Variants in CACNA2D2 observed in about 807,000 individuals in gnomAD.
The protein encoded by CACNA2D2 is voltage-dependent calcium channel subunit alpha-2/delta-2.
Under a neutral mutation model 166.4 loss-of-function variants are expected in CACNA2D2, and 48 were observed. That is an observed-to-expected ratio of 0.29 (90% CI 0.23 to 0.37). CACNA2D2 has a LOEUF of 0.37. CACNA2D2 is among the 10% of genes least tolerant of loss of function. The pLI is 1.00. For synonymous variants in CACNA2D2, 561 were observed against 573.7 expected (o/e 0.98, Z 0.32); for missense variants, 1,122 against 1,433.0 (o/e 0.78, Z 3.50).
At chr3:50,457,182 G>A (rs1161407199) in intron 2 of CACNA2D2, among the ~76,000 whole-genome samples, 1 of 152,142 alleles carries the variant, frequency 6.6e-6, no homozygotes, top group Non-Finnish European at 1.5e-5. Flanking sequence ...CTCGGGAGGC[G>A]GAGGTTGCAG....
rs781285598 is a variant in CACNA2D2 at position 50,367,655 on chromosome 3, C to T, written c.2284G>A (p.Val762Ile). The change falls in exon 26 of 38, where the codon GTC (valine) becomes ATC (isoleucine). Residue 762 changes from valine to isoleucine, a missense_variant. Val to Ile is a conservative substitution (Grantham distance 29, BLOSUM62 3). Coordinates refer to ENST00000424201, the MANE Select transcript of CACNA2D2 (RefSeq NM_006030.4). The surrounding 1 kb of genome is among the most constrained non-coding windows in gnomAD (Gnocchi z 6.5). ...TAGGTCACTTACTTGTTGGGGAAGA[C>T]TCGGGTGATGCCACCGTCTGTGGCA... ...FAATDGGITR[V>I]FPNKAAEDWT... 1 of 1,611,776 alleles carries T rather than the reference C, an allele frequency of 6.2e-7. No individual in the cohort carries two copies. Among genetic ancestry groups the T allele is most frequent in the Admixed American group, 1.7e-5 (1 of 59,944 alleles).
chr3:50,480,283 C>T (rs915244421), intron 1 of CACNA2D2, among the ~76,000 whole-genome samples: 10 of 152,172 alleles, frequency 6.6e-5, no homozygotes, highest in African/African-American at 1.9e-4. Flanking sequence ...TTCTGTCCCT[C>T]AGAACCTCAG....
intron 2 of CACNA2D2, among the ~76,000 whole-genome samples, chr3:50,470,828 T>C (rs1043092055): frequency 6.6e-6 from 1 of 152,054 alleles, no homozygotes; most frequent in Non-Finnish European, 1.5e-5. Context: ...CAGGCTCCTA[T>C]GCATCTGCCT....
At position 50,427,358 on chromosome 3, in the gene CACNA2D2, C is replaced by T. The variant is rs1343452428; in HGVS notation, c.405+6955G>A. 1.3e-5 allele frequency among the ~76,000 whole-genome samples: 2 copies of T among 152,268 alleles called. No homozygotes were observed. Among genetic ancestry groups the T allele is most frequent in the Non-Finnish European group, 2.9e-5 (2 of 68,052 alleles). On this transcript the variant is annotated intron_variant, in intron 3 of 37. Transcript: ENST00000424201. The surrounding 1 kb of genome is among the most constrained non-coding windows in gnomAD (Gnocchi z 4.7). ...TGCTTCCCCCATCCCTGGGGACCCC[C>T]AGCTGGCTCCTGTGGGCGGCAACTT...
chr3:50,475,785 A>T (rs1710284125), intron 2 of CACNA2D2, among the ~76,000 whole-genome samples: 1 of 152,054 alleles, frequency 6.6e-6, no homozygotes, highest in Admixed American at 6.5e-5. Flanking sequence ...CCCTGCGTCC[A>T]CTGACCCCTC....
At chr3:50,429,521 G>GT (rs1707965106) in intron 3 of CACNA2D2, among the ~76,000 whole-genome samples, 1 of 148,308 alleles carries the variant, frequency 6.7e-6, no homozygotes, top group Non-Finnish European at 1.5e-5. Flanking sequence ...GGGAGGCCGA[G>GT]ACGGGCGGAT....
At chr3:50,410,480 T>TTG (rs1181803662) in intron 3 of CACNA2D2, among the ~76,000 whole-genome samples, 6 of 141,288 alleles carry the variant, frequency 4.2e-5, no homozygotes, top group African/African-American at 1.6e-4. Context: ...CTCCCTGGGA[T>TTG]GGGGGGGGGG....
At chr3:50,443,087 G>C (rs753168103) in intron 2 of CACNA2D2, among the ~76,000 whole-genome samples, 1 of 152,226 alleles carries the variant, frequency 6.6e-6, no homozygotes, top group Non-Finnish European at 1.5e-5. Flanking sequence ...GCCGCCGGCT[G>C]TCGAGGCAGC....
At chr3:50,472,078 C>G (rs1440074459) in intron 2 of CACNA2D2, among the ~76,000 whole-genome samples, 2 of 152,202 alleles carry the variant, frequency 1.3e-5, no homozygotes, top group African/African-American at 4.8e-5. Context: ...GCAGGCTCAG[C>G]AGTCTTGGGG....
Position 50,365,660 on chromosome 3 carries a change from G to A in CACNA2D2, c.2944C>T (p.Leu982Phe), listed in dbSNP as rs1357577656. ...GCTTGGAACCAGCTGTGGTAGATGA[G>A]GCCGTAGAGAAGCTGCTGGAACAGG... ...WSLFQQLLYG[L>F]IYHSWFQADP... The change falls in exon 34 of 38, where the codon CTC becomes TTC. Residue 982 changes from leucine (L) to phenylalanine (F), a missense_variant. Physicochemically the swap from Leu to Phe is conservative, Grantham distance 22. This residue lies in a region of CACNA2D2 where 282 missense variants were observed against 266.2 expected (regional missense o/e 1.06). Coordinates refer to ENST00000424201, the MANE Select transcript of CACNA2D2 (RefSeq NM_006030.4). The surrounding 1 kb of genome is among the most constrained non-coding windows in gnomAD (Gnocchi z 4.5). 6.3e-7 allele frequency: 1 copy of A among 1,583,186 alleles called. No individual in the cohort carries two copies. The highest frequency in any genetic ancestry group is 8.6e-7 in the Non-Finnish European group (1 of 1,164,840).
chr3:50,367,939 T>A lies in CACNA2D2; in HGVS notation c.2144-37A>T. ...GGGGAGGGGTGGGGGTGGGGGCATCTTCTTGCAGCTCCTTGCCCACCCTCA... is the reference window on the plus strand; with the variant it reads ...GGGGAGGGGTGGGGGTGGGGGCATCATCTTGCAGCTCCTTGCCCACCCTCA... On this transcript the variant is annotated intron_variant, in intron 24 of 37. Transcript: ENST00000424201. The surrounding 1 kb of genome is among the most constrained non-coding windows in gnomAD (Gnocchi z 6.5). The A allele has an allele frequency of 7.6e-7, 1 of 1,313,366 alleles. No individual in the cohort carries two copies. Among genetic ancestry groups the A allele is most frequent in the Non-Finnish European group, 1.1e-6 (1 of 921,284 alleles). The allele number at this position is 1,313,366 out of a possible 1,614,324, so 81.4% of individuals were successfully genotyped here.
chr3:50,501,929 C>T (rs151204734), intron 1 of CACNA2D2, among the ~76,000 whole-genome samples: 1 of 152,208 alleles, frequency 6.6e-6, no homozygotes, highest in East Asian at 1.9e-4. Flanking sequence ...AGGACACGTC[C>T]GTGCGGCACT....
At chr3:50,381,255 C>T (rs1705300325) in intron 6 of CACNA2D2, 129 bp from the exon 7 acceptor site, 4 of 1,104,558 alleles carry the variant, frequency 3.6e-6, no homozygotes, top group Admixed American at 4.1e-5. Context: ...CAGGCCCTCC[C>T]TATTTCCTAG....
intron 4 of CACNA2D2, among the ~76,000 whole-genome samples, chr3:50,389,156 T>TGGGGCG (rs1559901507): frequency 6.6e-6 from 1 of 152,158 alleles, no homozygotes; most frequent in African/African-American, 2.4e-5. Flanking sequence ...CCGGTGGGCC[T>TGGGGCG]GGGGCGGGGG....
In CACNA2D2 at chr3:50,413,293, TG is replaced by T. The variant is rs35208301; in HGVS notation, c.406-19126del. ...TGTCTCAGGGCTCAGGAAGGAGAGA[TG>T]GGGGTAAGAATAGGGCAGAAGTGAG... On this transcript the variant is annotated intron_variant, in intron 3 of 37. Transcript: ENST00000424201. Among the ~76,000 whole-genome samples, 1,151 of 141,708 alleles carry T rather than the reference TG, an allele frequency of 8.1e-3. 6 individuals carry two copies. Among genetic ancestry groups the T allele is most frequent in the Middle Eastern group, 0.067 (19 of 284 alleles). The allele number at this position is 141,708 out of a possible 152,430, so 93.0% of individuals were successfully genotyped here. A position where few individuals can be genotyped will look rare whatever the true frequency, so the allele number is the denominator to read the frequency against.
At chr3:50,474,182 G>C (rs1033926574) in intron 2 of CACNA2D2, among the ~76,000 whole-genome samples, 1 of 152,224 alleles carries the variant, frequency 6.6e-6, no homozygotes, top group Non-Finnish European at 1.5e-5. Context: ...GTGACTGCTG[G>C]GAGGGAGAGG....
chr3:50,394,396 T>G (rs1343030149), intron 3 of CACNA2D2, among the ~76,000 whole-genome samples: 1 of 152,160 alleles, frequency 6.6e-6, no homozygotes, highest in Non-Finnish European at 1.5e-5. Flanking sequence ...GTGAAGCCTG[T>G]GCAGTGACCC....
At chr3:50,377,158 T>C (rs587702579) in intron 17 of CACNA2D2, among the ~76,000 whole-genome samples, 26 of 152,362 alleles carry the variant, frequency 1.7e-4, no homozygotes, top group African/African-American at 6.0e-4. Context: ...AAAATTAAAT[T>C]GGAACATAGC....
intron 2 of CACNA2D2, among the ~76,000 whole-genome samples, chr3:50,446,610 G>A (rs1325920084): frequency 6.6e-6 from 1 of 152,198 alleles, no homozygotes; most frequent in East Asian, 1.9e-4. Context: ...AAAGTCAGCG[G>A]GGTCAGCTGA....
Sources: allele counts gnomAD v4.1 joint callset (sites outside exome capture counted in the v4.1 genomes callset), GRCh38; gene constraint gnomAD v4.1.1; regional missense constraint gnomAD v4.1.1; non-coding constraint Gnocchi (gnomAD v3.1); transcripts MANE v1.5; gene names NCBI Gene and HGNC (gene_info 2026-07-23, HGNC 2026-07-21).